The following SPTBN1 variants were observed in gnomAD, a reference collection of about 807,000 sequenced individuals.
SPTBN1 encodes the protein spectrin beta, non-erythrocytic 1.
SPTBN1 carries 32 observed loss-of-function variants against 266.4 expected under a neutral mutation model. The observed-to-expected ratio is 0.12, with a 90% CI of 0.09 to 0.16. The LOEUF (loss-of-function observed/expected upper bound fraction) is 0.16, where lower values mean the gene tolerates loss of function less well. Ranked by LOEUF, SPTBN1 falls within the 10% of genes least tolerant of loss-of-function variation. The pLI, the probability that SPTBN1 is intolerant of heterozygous loss-of-function variation, is 1.00. For missense variants in SPTBN1, 2,296 were observed against 3,067.1 expected, an observed-to-expected ratio of 0.75 and a Z score of 5.94; for synonymous variants, 1,336 against 1,162.2, an observed-to-expected ratio of 1.15 and a Z score of -3.04.
At position 54,644,606 on chromosome 2, in the gene SPTBN1, T is replaced by A; in HGVS notation, c.4269+20T>A. On this transcript the variant is annotated intron_variant, in intron 20 of 35. Coordinates refer to ENST00000356805, the MANE Select transcript of SPTBN1 (RefSeq NM_003128.3). Reference sequence around the variant, plus strand: ...CAACAGGCAAGTGGACAAGCCATCATGGACTTGGGTGTATTTCTGTTTTAC... The same window carrying A: ...CAACAGGCAAGTGGACAAGCCATCAAGGACTTGGGTGTATTTCTGTTTTAC... The A allele has an allele frequency of 6.3e-7, 1 of 1,587,756 alleles. No individual in the cohort carries two copies.
Position 54,626,269 on chromosome 2 carries a change from G to C in SPTBN1, c.1644+35G>C, listed in dbSNP as rs900707102. On this transcript the variant is annotated intron_variant, in intron 12 of 35. Transcript: ENST00000356805. This position sits in a 1 kb window ranked among gnomAD's most constrained non-coding sequence, Gnocchi z 4.7. ...GACCGAAAGGAAGGACGACAGAGCT[G>C]ATCCAACCAGGGCTCTCTTTTCTGT... 4.4e-6 allele frequency: 7 copies of C among 1,588,868 alleles called. No homozygotes were observed. The highest frequency in any genetic ancestry group is 3.5e-5 in the Admixed American group (2 of 57,706).
At chr2:54,638,573 A>G (rs761214684) in intron 18 of SPTBN1, among the ~76,000 whole-genome samples, 23 of 152,270 alleles carry the variant, frequency 1.5e-4, no homozygotes, top group Non-Finnish European at 3.1e-4. Context: ...TTTGAAAACT[A>G]AAGTTGGCCA....
chr2:54,605,351 TC>T (rs748682619), intron 3 of SPTBN1, among the ~76,000 whole-genome samples: 8 of 152,198 alleles, frequency 5.3e-5, no homozygotes, highest in Non-Finnish European at 1.2e-4. Flanking sequence ...GAGCTTTAAG[TC>T]CTGGTTCACC....
intron 1 of SPTBN1, among the ~76,000 whole-genome samples, chr2:54,512,752 A>G (rs1184802664): frequency 6.6e-6 from 1 of 152,246 alleles, no homozygotes; most frequent in Non-Finnish European, 1.5e-5. Context: ...ACTGGGATCC[A>G]AAGTACATAC....
chr2:54,552,088 A>G (rs62134673), intron 2 of SPTBN1, among the ~76,000 whole-genome samples: 19,877 of 152,216 alleles, frequency 0.13, 1,417 homozygotes, highest in Middle Eastern at 0.23. Context: ...GCCACTGAGA[A>G]ATGCCCTTTG....
At chr2:54,557,995 T>A in intron 2 of SPTBN1, 1 of 984,726 alleles carries the variant, frequency 1.0e-6, no homozygotes, top group Non-Finnish European at 1.2e-6. Context: ...AGAGAGTGAA[T>A]GAGCCGCGCG....
intron 1 of SPTBN1, among the ~76,000 whole-genome samples, chr2:54,484,968 A>G (rs984401518): frequency 6.6e-6 from 1 of 152,284 alleles, no homozygotes; most frequent in South Asian, 2.1e-4. Context: ...AATACAAACC[A>G]TTATCAAACC....
At position 54,645,890 on chromosome 2, in the gene SPTBN1, C is replaced by T; in HGVS notation, c.4495-38C>T. ...TCGTTTGTGTCGTATATTTGTTCCT[C>T]TGAGTGGATCTGACCACTTATTTAA... On this transcript the variant is annotated intron_variant, in intron 21 of 35. Coordinates refer to ENST00000356805, the MANE Select transcript of SPTBN1 (RefSeq NM_003128.3). The surrounding 1 kb of genome is among the most constrained non-coding windows in gnomAD (Gnocchi z 4.3). 1.2e-6 allele frequency: 2 copies of T among 1,606,394 alleles called. No individual in the cohort carries two copies. The highest frequency in any genetic ancestry group is 1.3e-5 in the African/African-American group (1 of 74,914).
At position 54,669,034 on chromosome 2, in the gene SPTBN1, C is replaced by T. The variant is rs1681569993; in HGVS notation, c.*465C>T. 1 of 180,276 alleles carries T rather than the reference C, an allele frequency of 5.5e-6. No individual in the cohort carries two copies. Among genetic ancestry groups the T allele is most frequent in the Admixed American group, 5.5e-5 (1 of 18,252 alleles). 11.2% of individuals were successfully genotyped at this position (180,276 alleles called of 1,614,324 possible). ...TAGAAGTGCCCGAGATGGGGCTAAC[C>T]TTTATTAAACAGATCGCATATTATG... On this transcript the variant is annotated 3_prime_UTR_variant, in exon 36 of 36. Coordinates refer to ENST00000356805, the MANE Select transcript of SPTBN1 (RefSeq NM_003128.3).
intron 32 of SPTBN1, chr2:54,662,697 AT>A (rs1277899842): frequency 6.6e-6 from 1 of 152,140 alleles, no homozygotes; most frequent in African/African-American, 2.4e-5. Flanking sequence ...ACTAGAGAAG[AT>A]TTGTCACCTT....
chr2:54,624,203 T>C (rs918640408), intron 10 of SPTBN1, among the ~76,000 whole-genome samples: 15 of 152,240 alleles, frequency 9.9e-5, no homozygotes, highest in African/African-American at 3.6e-4. Flanking sequence ...CTTGAACTCC[T>C]GGCCTCAAAC....
rs147696662 is a variant in SPTBN1 at position 54,479,499 on chromosome 2, T to C, written c.-48+22981T>C. Reference sequence around the variant, plus strand: ...TTTGGTAGGTGAACACATAATTTATTATCCAAACTAGGTAATTTATGAGAA... The same window carrying C: ...TTTGGTAGGTGAACACATAATTTATCATCCAAACTAGGTAATTTATGAGAA... On this transcript the variant is annotated intron_variant, in intron 1 of 35. Coordinates refer to ENST00000356805, the MANE Select transcript of SPTBN1 (RefSeq NM_003128.3). Among the ~76,000 whole-genome samples, 515 of 152,300 alleles carry C rather than the reference T, an allele frequency of 3.4e-3. 2 individuals are homozygous for C. Among genetic ancestry groups the C allele is most frequent in the African/African-American group, 0.012 (500 of 41,560 alleles).
intron 1 of SPTBN1, among the ~76,000 whole-genome samples, chr2:54,500,035 T>C (rs1339443453): frequency 1.3e-5 from 2 of 152,272 alleles, no homozygotes; most frequent in African/African-American, 4.8e-5. Flanking sequence ...GTAATGTTAA[T>C]TGTTCATTTC....
chr2:54,549,841 A>C (rs989850384), intron 2 of SPTBN1, among the ~76,000 whole-genome samples: 1 of 152,194 alleles, frequency 6.6e-6, no homozygotes, highest in Non-Finnish European at 1.5e-5. Flanking sequence ...AGCCCAAGAC[A>C]GGTGGGGCAC....
At chr2:54,490,027 A>G (rs1319948038) in intron 1 of SPTBN1, among the ~76,000 whole-genome samples, 1 of 152,110 alleles carries the variant, frequency 6.6e-6, no homozygotes, top group African/African-American at 2.4e-5. Context: ...CACCCCAAAA[A>G]TCTGTGCAGT....
intron 17 of SPTBN1, among the ~76,000 whole-genome samples, chr2:54,635,657 T>C (rs1304035530): frequency 6.6e-6 from 1 of 152,260 alleles, no homozygotes; most frequent in Admixed American, 6.5e-5. Context: ...GTGTGTCCTG[T>C]TGTTAATTTC....
intron 33 of SPTBN1, 129 bp from the exon 34 acceptor site, chr2:54,665,786 G>A (rs939480661): frequency 1.0e-5 from 11 of 1,075,668 alleles, no homozygotes; most frequent in Non-Finnish European, 1.5e-5. Flanking sequence ...TAATAAGGAA[G>A]GTTGAGGGTT....
chr2:54,464,596 C>T (rs1167091183), intron 1 of SPTBN1, among the ~76,000 whole-genome samples: 2 of 152,250 alleles, frequency 1.3e-5, no homozygotes, highest in African/African-American at 4.8e-5. Context: ...TGAAATATTT[C>T]ACGGTAGAGA....
At chr2:54,546,661 C>A (rs1672255408) in intron 2 of SPTBN1, 1 of 152,184 alleles carries the variant, frequency 6.6e-6, no homozygotes, top group African/African-American at 2.4e-5. Context: ...CTCTGATAAA[C>A]TCTATCGCAC....
Sources: gnomAD v4.1 joint callset for allele counts (sites outside exome capture counted in the v4.1 genomes callset) on GRCh38, gnomAD v4.1.1 for gene constraint, Gnocchi (gnomAD v3.1) non-coding constraint, MANE v1.5 for transcripts, NCBI Gene and HGNC (gene_info 2026-07-23, HGNC 2026-07-21) for gene names.